STBD1: variants seen among roughly 807,000 people sequenced by gnomAD.
The protein encoded by STBD1 is starch-binding domain-containing protein 1.
In STBD1, 13 loss-of-function variants were observed where a neutral mutation model predicts 10.5. The ratio of observed to expected loss-of-function variants is 1.24; its 90% CI spans 0.81 to 1.97. The LOEUF (loss-of-function observed/expected upper bound fraction) is 1.97. STBD1 is among the 30% of genes most tolerant of loss of function. The probability of loss-of-function intolerance (pLI) is 0.00; values close to 1 mark genes in which losing one functional copy is unlikely to be tolerated. For missense variants in STBD1, 427 were observed against 435.6 expected (o/e 0.98, Z 0.17); for synonymous variants, 146 against 160.2 (o/e 0.91, Z 0.67).
intron 1 of STBD1, among the ~76,000 whole-genome samples, chr4:76,307,611 CT>C (rs1718814741): frequency 6.6e-6 from 1 of 152,188 alleles, no homozygotes. Flanking sequence ...CGGCAGTCCC[CT>C]CCACGCTGCC....
rs1427181133 is a variant in STBD1, at chr4:76,309,130, C to G, written c.221-14C>G. 3.9e-6 allele frequency: 6 copies of G among 1,550,270 alleles called. No homozygotes were observed. Among genetic ancestry groups the G allele is most frequent in the East Asian group, 2.3e-5 (1 of 44,382 alleles). On this transcript the variant is annotated splice_polypyrimidine_tract_variant and intron_variant, in intron 1 of 1. Transcript: ENST00000237642. ...ACTACCTGACTCTATTACATTTTTC[C>G]TTTGATTTCTTAGAGCATCTTCAAG...
chr4:76,306,989 G>A lies in STBD1; in HGVS notation c.220G>A (p.Glu74Lys). ...PSGQELVTKP[E>K]HLQESNGHLI... is the part of the protein sequence containing the mutation. Reference sequence around the variant, plus strand: ...CGGGCAGGAGCTGGTCACCAAACCAGGTATTCTTCCCCCCGTGACTCCAGG... The same window carrying A: ...CGGGCAGGAGCTGGTCACCAAACCAAGTATTCTTCCCCCCGTGACTCCAGG... Residue 74 changes from glutamate to lysine, a missense_variant and splice_region_variant, in exon 1 of 2, where the codon GAG becomes AAG. Glu to Lys is a moderately conservative substitution (Grantham distance 56, BLOSUM62 1). Transcript: ENST00000237642. 6.3e-7 allele frequency: 1 copy of A among 1,584,476 alleles called. No homozygotes were observed. Among genetic ancestry groups the A allele is most frequent in the Non-Finnish European group, 8.6e-7 (1 of 1,166,546 alleles).
At position 76,306,845 on chromosome 4, in the gene STBD1, G is replaced by T. The variant is rs368161631; in HGVS notation, c.76G>T (p.Gly26Cys). 3.1e-6 allele frequency: 5 copies of T among 1,611,528 alleles called. No homozygotes were observed. The highest frequency in any genetic ancestry group is 1.7e-5 in the Admixed American group (1 of 59,402). The change falls in exon 1 of 2, where the codon GGC becomes TGC. Residue 26 changes from glycine (G) to cysteine (C), a missense_variant. Gly to Cys is a radical substitution (Grantham distance 159, BLOSUM62 -3). Transcript: ENST00000237642. ...GALFVWLLRG[G>C]PGDTGKDGDA... ...ACTTTTCGTTTGGCTGCTGCGGGGC[G>T]GCCCTGGCGACACCGGGAAGGACGG... is the stretch of plus-strand genomic sequence containing the variant.
At position 76,306,933 on chromosome 4, in the gene STBD1, G is replaced by A. The variant is rs758815009; in HGVS notation, c.164G>A (p.Ser55Asn). Residue 55 changes from serine (S) to asparagine (N), a missense_variant, in exon 1 of 2, where the codon AGT becomes AAT. Coordinates refer to ENST00000237642, the MANE Select transcript of STBD1 (RefSeq NM_003943.5). ...GCTGCGATTCCGGGAGGCCATCAGA[G>A]TGGCAGCAGCGGACTGAGCCCTGGA... ...GGAAIPGGHQ[S>N]GSSGLSPGPS... 7 of 1,611,758 alleles carry A rather than the reference G, an allele frequency of 4.3e-6. No individual in the cohort carries two copies. In the South Asian group the frequency reaches 7.7e-5, roughly 18 times the overall value.
At chr4:76,308,639 A>T (rs919775859) in intron 1 of STBD1, among the ~76,000 whole-genome samples, 1 of 152,190 alleles carries the variant, frequency 6.6e-6, no homozygotes, top group African/African-American at 2.4e-5. Context: ...TATCTCCCCA[A>T]GGTGACAGCT....
chr4:76,306,924 G>A lies in STBD1; in HGVS notation c.155G>A (p.Gly52Asp). The change falls in exon 1 of 2, where the codon GGC (glycine) becomes GAC (aspartate). Residue 52 changes from glycine to aspartate, a missense_variant. Gly to Asp is a moderately conservative substitution (Grantham distance 94). Transcript: ENST00000237642. ...CTTGGGGGAGCTGCGATTCCGGGAG[G>A]CCATCAGAGTGGCAGCAGCGGACTG... is the stretch of plus-strand genomic sequence containing the variant. ...APLGGAAIPG[G>D]HQSGSSGLSP... is the part of the protein sequence containing the mutation. 6.2e-7 allele frequency: 1 copy of A among 1,612,348 alleles called. No individual in the cohort carries two copies.
intron 1 of STBD1, among the ~76,000 whole-genome samples, chr4:76,308,785 T>C (rs1718855072): frequency 6.6e-6 from 1 of 152,206 alleles, no homozygotes; most frequent in African/African-American, 2.4e-5. Flanking sequence ...CATTCTTTGA[T>C]GATAGGAGCC....
At chr4:76,307,449 C>T (rs1283728814) in intron 1 of STBD1, among the ~76,000 whole-genome samples, 4 of 152,226 alleles carry the variant, frequency 2.6e-5, no homozygotes, top group African/African-American at 9.6e-5. Context: ...TCGCACAGCC[C>T]ATGAAGAGCT....
At position 76,309,656 on chromosome 4, in the gene STBD1, C is replaced by T; in HGVS notation, c.733C>T (p.Gln245Ter). 1.2e-6 allele frequency: 2 copies of T among 1,614,208 alleles called. No homozygotes were observed. The highest frequency in any genetic ancestry group is 2.2e-5 in the South Asian group (2 of 91,078). ...GRSTLVEARG[Q>*]QVHGKMERVA... ...AAGCACTTTGGTGGAAGCAAGAGGT[C>T]AGCAAGTGCATGGGAAAATGGAAAG... The change falls in exon 2 of 2, where the codon CAG (glutamine) becomes TAG (stop). Residue 245 changes from glutamine to a stop codon, truncating the protein, a stop_gained. Coordinates refer to ENST00000237642, the MANE Select transcript of STBD1 (RefSeq NM_003943.5). LOFTEE classifies it low-confidence loss of function (END_TRUNC).
At position 76,310,184 on chromosome 4, in the gene STBD1, G is replaced by A; in HGVS notation, c.*184G>A. 2 of 669,402 alleles carry A rather than the reference G, an allele frequency of 3.0e-6. No homozygotes were observed. The highest frequency in any genetic ancestry group is 5.0e-6 in the Non-Finnish European group (2 of 400,336). The allele number at this position is 669,402 out of a possible 1,614,324, so 41.5% of individuals were successfully genotyped here. On this transcript the variant is annotated 3_prime_UTR_variant, in exon 2 of 2. Coordinates refer to ENST00000237642, the MANE Select transcript of STBD1 (RefSeq NM_003943.5). ...GTCTAATGTGCAGAAATATATATGT[G>A]TGTATGTGTGTATATATATGCACAC...
chr4:76,306,965 G>T lies in STBD1; in HGVS notation c.196G>T (p.Gly66Trp). The change falls in exon 1 of 2, where the codon GGG (glycine) becomes TGG (tryptophan). Residue 66 changes from glycine to tryptophan, a missense_variant. By Grantham distance (184) the Gly-to-Trp change is radical (BLOSUM62 -2). Transcript: ENST00000237642. ...GSSGLSPGPS[G>W]QELVTKPEHL... ...CAGCGGACTGAGCCCTGGACCTTCC[G>T]GGCAGGAGCTGGTCACCAAACCAGG... 1 of 1,603,286 alleles carries T rather than the reference G, an allele frequency of 6.2e-7. No homozygotes were observed. The highest frequency in any genetic ancestry group is 1.1e-5 in the South Asian group (1 of 89,316).
At position 76,306,962 on chromosome 4, in the gene STBD1, T is replaced by C; in HGVS notation, c.193T>C (p.Ser65Pro). The change falls in exon 1 of 2, where the codon TCC becomes CCC. Residue 65 changes from serine (S) to proline (P), a missense_variant. Ser to Pro is a moderately conservative substitution (Grantham distance 74). Coordinates refer to ENST00000237642, the MANE Select transcript of STBD1 (RefSeq NM_003943.5). ...CAGCAGCGGACTGAGCCCTGGACCT[T>C]CCGGGCAGGAGCTGGTCACCAAACC... ...SGSSGLSPGP[S>P]GQELVTKPEH... The C allele has an allele frequency of 6.2e-7, 1 of 1,604,934 alleles. No individual in the cohort carries two copies. Among genetic ancestry groups the C allele is most frequent in the Non-Finnish European group, 8.5e-7 (1 of 1,176,958 alleles).
At chr4:76,308,843 C>T (rs1326791827) in intron 1 of STBD1, among the ~76,000 whole-genome samples, 1 of 152,260 alleles carries the variant, frequency 6.6e-6, no homozygotes, top group African/African-American at 2.4e-5. Flanking sequence ...ACTGTGGAGA[C>T]TGGGGACCAT....
Position 76,309,136 on chromosome 4 carries a change from T to C in STBD1, c.221-8T>C. 1 of 1,557,066 alleles carries C rather than the reference T, an allele frequency of 6.4e-7. No homozygotes were observed. Among genetic ancestry groups the C allele is most frequent in the Admixed American group, 2.1e-5 (1 of 47,534 alleles). The stretch of plus-strand genomic sequence containing the variant: ...TGACTCTATTACATTTTTCCTTTGA[T>C]TTCTTAGAGCATCTTCAAGAAAGCA... On this transcript the variant is annotated splice_region_variant and splice_polypyrimidine_tract_variant and intron_variant, in intron 1 of 1. Coordinates refer to ENST00000237642, the MANE Select transcript of STBD1 (RefSeq NM_003943.5).
chr4:76,310,298 G>A lies in STBD1; in HGVS notation c.*298G>A, dbSNP rs1241482773. ...TGTGCTGATCCATTATTACTTTAGG[G>A]CTTGATTCTCTTGGGGAGTGACTTG... On this transcript the variant is annotated 3_prime_UTR_variant, in exon 2 of 2. Transcript: ENST00000237642. 1 of 307,356 alleles carries A rather than the reference G, an allele frequency of 3.3e-6. No individual in the cohort carries two copies. Among genetic ancestry groups the A allele is most frequent in the Non-Finnish European group, 6.1e-6 (1 of 165,024 alleles). 19.0% of individuals were successfully genotyped at this position (307,356 alleles called of 1,614,324 possible). A position where few individuals can be genotyped will look rare whatever the true frequency, so the allele number is the denominator to read the frequency against.
At position 76,309,667 on chromosome 4, in the gene STBD1, T is replaced by C. The variant is rs752868619; in HGVS notation, c.744T>C (p.His248=). 2.5e-6 allele frequency: 4 copies of C among 1,614,180 alleles called. No homozygotes were observed. Among genetic ancestry groups the C allele is most frequent in the South Asian group, 2.2e-5 (2 of 91,086 alleles). Residue 248 remains histidine, a synonymous_variant, in exon 2 of 2, where the codon CAT becomes CAC. Coordinates refer to ENST00000237642, the MANE Select transcript of STBD1 (RefSeq NM_003943.5). ...TGGAAGCAAGAGGTCAGCAAGTGCATGGGAAAATGGAAAGGGTAGCAGTGA... is the reference window on the plus strand; with the variant it reads ...TGGAAGCAAGAGGTCAGCAAGTGCACGGGAAAATGGAAAGGGTAGCAGTGA... The part of the protein sequence containing the change: ...TLVEARGQQV[H]GKMERVAVMP...
Position 76,310,220 on chromosome 4 carries a change from A to G in STBD1, c.*220A>G, listed in dbSNP as rs1284139988. 1.3e-5 allele frequency: 7 copies of G among 553,206 alleles called. No homozygotes were observed. Among genetic ancestry groups the G allele is most frequent in the Non-Finnish European group, 2.2e-5 (7 of 318,028 alleles). The allele number at this position is 553,206 out of a possible 1,614,324, so 34.3% of individuals were successfully genotyped here. A position where few individuals can be genotyped will look rare whatever the true frequency, so the allele number is the denominator to read the frequency against. ...TATATATATGCACACACACACAGAT[A>G]ATGCTTCCAGTGAATGTGAACTTCT... On this transcript the variant is annotated 3_prime_UTR_variant, in exon 2 of 2. Transcript: ENST00000237642.
Position 76,309,224 on chromosome 4 carries a change from C to T in STBD1, c.301C>T (p.Gln101Ter). The T allele has an allele frequency of 6.2e-7, 1 of 1,613,956 alleles. No individual in the cohort carries two copies. The highest frequency in any genetic ancestry group is 8.5e-7 in the Non-Finnish European group (1 of 1,179,990). Residue 101 changes from glutamine to a stop codon, truncating the protein, a stop_gained, in exon 2 of 2, where the codon CAG becomes TAG. Transcript: ENST00000237642. LOFTEE classifies it low-confidence loss of function (END_TRUNC). ...ACTGCAAGCAGCATCATGGAGATTG[C>T]AGAATCCTTCCAGGGAAGTCTGTGA... Reference protein sequence around the residue: ...GKLQAASWRLQNPSREVCDNS... With the variant: ...GKLQAASWRL
chr4:76,306,852 G>T lies in STBD1; in HGVS notation c.83G>T (p.Gly28Val), dbSNP rs777495733. The stretch of plus-strand genomic sequence containing the variant: ...GTTTGGCTGCTGCGGGGCGGCCCTG[G>T]CGACACCGGGAAGGACGGGGATGCG... ...LFVWLLRGGP[G>V]DTGKDGDAEQ... Residue 28 changes from glycine to valine, a missense_variant, in exon 1 of 2, where the codon GGC becomes GTC. Gly to Val is a moderately radical substitution (Grantham distance 109). Transcript: ENST00000237642. The T allele has an allele frequency of 1.6e-5, 25 of 1,611,592 alleles. No homozygotes were observed. The highest frequency in any genetic ancestry group is 2.0e-5 in the Non-Finnish European group (24 of 1,179,096).
Sources: allele counts gnomAD v4.1 joint callset (sites outside exome capture counted in the v4.1 genomes callset), GRCh38; gene constraint gnomAD v4.1.1; transcripts MANE v1.5; gene names NCBI Gene and HGNC (gene_info 2026-07-23, HGNC 2026-07-21).